SERPIND1: variants seen among roughly 807,000 people sequenced by gnomAD.
SERPIND1 encodes the protein heparin cofactor 2.
A neutral mutation model predicts 35.0 loss-of-function variants in SERPIND1; 34 were observed. That is an observed-to-expected ratio of 0.97 (90% confidence interval 0.74 to 1.29). The LOEUF (loss-of-function observed/expected upper bound fraction) is 1.29. SERPIND1 is among the 50% of genes most tolerant of loss of function. The pLI, the probability that SERPIND1 is intolerant of heterozygous loss-of-function variation, is 0.00. For missense variants in SERPIND1, 633 were observed against 637.7 expected, an observed-to-expected ratio of 0.99 and a Z score of 0.08; for synonymous variants, 236 against 241.1, an observed-to-expected ratio of 0.98 and a Z score of 0.19.
chr22:20,782,230 T>A (rs1223148896), intron 2 of SERPIND1, among the ~76,000 whole-genome samples: 1 of 152,152 alleles, frequency 6.6e-6, no homozygotes. Flanking sequence ...AGTACAGCAG[T>A]GAGCCATCCC....
chr22:20,779,657 G>T lies in SERPIND1; in HGVS notation c.345G>T (p.Gln115His). 1 of 1,614,030 alleles carries T rather than the reference G, an allele frequency of 6.2e-7. No homozygotes were observed. The highest frequency in any genetic ancestry group is 1.1e-5 in the South Asian group (1 of 91,090). The part of the protein sequence containing the change: ...DSDVSAGNIL[Q>H]LFHGKSRIQR... ...ATGTGAGTGCTGGGAACATCCTCCA[G>T]CTTTTTCATGGCAAGAGCCGGATCC... The change falls in exon 2 of 5, where the codon CAG (glutamine) becomes CAT (histidine). Residue 115 changes from glutamine to histidine, a missense_variant. By Grantham distance (24) the Gln-to-His change is conservative. Transcript: ENST00000215727.
In SERPIND1 at chr22:20,780,132, A is replaced by T; in HGVS notation, c.820A>T (p.Ile274Leu). 1 of 1,614,250 alleles carries T rather than the reference A, an allele frequency of 6.2e-7. No individual in the cohort carries two copies. Among genetic ancestry groups the T allele is most frequent in the South Asian group, 1.1e-5 (1 of 91,088 alleles). ...CATCATGAAGCTCACCAAGGGCCTC[A>T]TAAAAGATGCTCTGGAGAATATAGA... ...NHIMKLTKGL[I>L]KDALENIDPA... Residue 274 changes from isoleucine to leucine, a missense_variant, in exon 2 of 5, where the codon ATA becomes TTA. Coordinates refer to ENST00000215727, the MANE Select transcript of SERPIND1 (RefSeq NM_000185.4).
In SERPIND1 at chr22:20,783,817, C is replaced by G. The variant is rs912135530; in HGVS notation, c.890-155C>G. Reference sequence around the variant, plus strand: ...CCTCTCTTGTTAGAAATGCAAATTTCTGCCCAAATCAGGCCTCAGGAATCA... The same window carrying G: ...CCTCTCTTGTTAGAAATGCAAATTTGTGCCCAAATCAGGCCTCAGGAATCA... On this transcript the variant is annotated intron_variant, in intron 2 of 4. Transcript: ENST00000215727. Among the ~76,000 whole-genome samples the G allele has an allele frequency of 1.5e-4, 23 of 152,190 alleles. 1 individual carries two copies. Among genetic ancestry groups the G allele is most frequent in the Non-Finnish European group, 2.9e-5 (2 of 68,040 alleles).
chr22:20,777,866 C>T (rs165912), intron 1 of SERPIND1, among the ~76,000 whole-genome samples: 70,887 of 151,940 alleles, frequency 0.47, 17,268 homozygotes, highest in African/African-American at 0.6. Flanking sequence ...CTCCTCTGAA[C>T]GAGTCAGAGG....
At chr22:20,774,592 C>G (rs1319959440) in intron 1 of SERPIND1, among the ~76,000 whole-genome samples, 2 of 151,998 alleles carry the variant, frequency 1.3e-5, no homozygotes, top group Non-Finnish European at 2.9e-5. Context: ...GAAGCCAAGT[C>G]TCTACTAAAA....
intron 2 of SERPIND1, among the ~76,000 whole-genome samples, chr22:20,782,383 C>T (rs1264527912): frequency 6.6e-6 from 1 of 152,194 alleles, no homozygotes; most frequent in African/African-American, 2.4e-5. Flanking sequence ...CACTCAATGC[C>T]GGGCATCACA....
rs780705670 is a variant in SERPIND1, at chr22:20,779,360, T to C, written c.48T>C (p.Ser16=). Residue 16 remains serine (S), a synonymous_variant, in exon 2 of 5, where the codon TCT becomes TCC. Coordinates refer to ENST00000215727, the MANE Select transcript of SERPIND1 (RefSeq NM_000185.4). ...TTCTCATTTTCCTCATCATAACATC[T>C]GCGTGGGGTGGGAGCAAAGGCCCGC... ...NALLIFLIIT[S]AWGGSKGPLD... The C allele has an allele frequency of 1.9e-6, 3 of 1,614,198 alleles. No individual in the cohort carries two copies. The highest frequency in any genetic ancestry group is 8.5e-7 in the Non-Finnish European group (1 of 1,180,030).
Position 20,779,772 on chromosome 22 carries a change from G to T in SERPIND1, c.460G>T (p.Ala154Ser), listed in dbSNP as rs1230112155. ...QVNTFDNIFI[A>S]PVGISTAMGM... ...CAACACTTTCGATAACATCTTCATA[G>T]CACCCGTTGGCATTTCTACTGCGAT... Residue 154 changes from alanine (A) to serine (S), a missense_variant, in exon 2 of 5, where the codon GCA (alanine) becomes TCA (serine). Coordinates refer to ENST00000215727, the MANE Select transcript of SERPIND1 (RefSeq NM_000185.4). 6.2e-7 allele frequency: 1 copy of T among 1,614,206 alleles called. No homozygotes were observed. The highest frequency in any genetic ancestry group is 8.5e-7 in the Non-Finnish European group (1 of 1,180,044).
intron 1 of SERPIND1, 187 bp from the exon 2 acceptor site, chr22:20,779,110 C>T (rs1463614750): frequency 3.7e-6 from 5 of 1,359,236 alleles, no homozygotes; most frequent in Non-Finnish European, 5.0e-6. Context: ...TTTATGAGTC[C>T]CACATCAAAG....
At chr22:20,778,668 G>A (rs1163906203) in intron 1 of SERPIND1, among the ~76,000 whole-genome samples, 1 of 152,148 alleles carries the variant, frequency 6.6e-6, no homozygotes, top group Non-Finnish European at 1.5e-5. Flanking sequence ...AGGTGGAATG[G>A]TGTGAGTCAC....
chr22:20,786,564 C>T (rs1340991754), intron 4 of SERPIND1, among the ~76,000 whole-genome samples: 1 of 152,210 alleles, frequency 6.6e-6, no homozygotes, highest in Non-Finnish European at 1.5e-5. Flanking sequence ...GCAGCAGACC[C>T]AGTTCCCCAT....
intron 3 of SERPIND1, among the ~76,000 whole-genome samples, chr22:20,784,846 G>A (rs1229082327): frequency 6.6e-6 from 1 of 152,110 alleles, no homozygotes; most frequent in East Asian, 1.9e-4. Context: ...CTGGATACTG[G>A]CTAGGCCCAT....
chr22:20,774,491 A>G (rs1933086498), intron 1 of SERPIND1, among the ~76,000 whole-genome samples: 1 of 152,196 alleles, frequency 6.6e-6, no homozygotes, highest in Admixed American at 6.5e-5. Flanking sequence ...GGCCGGGTGC[A>G]GTGGCTCACG....
Position 20,784,093 on chromosome 22 carries a change from C to G in SERPIND1, c.1011C>G (p.Asp337Glu). 6.2e-7 allele frequency: 1 copy of G among 1,614,152 alleles called. No individual in the cohort carries two copies. Among genetic ancestry groups the G allele is most frequent in the Non-Finnish European group, 8.5e-7 (1 of 1,180,022 alleles). ...AGGGGAACTTCCTCGCAGCAAATGA[C>G]CAGGAGCTGGACTGCGACATCCTCC... ...QTKGNFLAANDQELDCDILQL... is the reference protein window; with the variant it reads ...QTKGNFLAANEQELDCDILQL... The change falls in exon 3 of 5, where the codon GAC (aspartate) becomes GAG (glutamate). Residue 337 changes from aspartate to glutamate, a missense_variant. Asp to Glu is a conservative substitution (Grantham distance 45). Transcript: ENST00000215727.
intron 2 of SERPIND1, among the ~76,000 whole-genome samples, chr22:20,782,260 A>C (rs1327191265): frequency 2.6e-5 from 4 of 152,098 alleles, no homozygotes; most frequent in Non-Finnish European, 5.9e-5. Context: ...GGAGGTGGAG[A>C]AATGATCAGG....
At position 20,779,528 on chromosome 22, in the gene SERPIND1, G is replaced by A. The variant is rs1475826823; in HGVS notation, c.216G>A (p.Glu72=). ...CCGTCACCAACGACTGGATTCCAGA[G>A]GGGGAGGAGGACGACGACTATCTGG... ...ENTVTNDWIP[E]GEEDDDYLDL... is the part of the protein sequence containing the mutation. Residue 72 remains glutamate, a synonymous_variant, in exon 2 of 5, where the codon GAG becomes GAA. Transcript: ENST00000215727. The A allele has an allele frequency of 1.9e-6, 3 of 1,613,972 alleles. No individual in the cohort carries two copies. The highest frequency in any genetic ancestry group is 2.7e-5 in the African/African-American group (2 of 75,050).
chr22:20,775,995 G>A (rs1360205001), intron 1 of SERPIND1, among the ~76,000 whole-genome samples: 1 of 152,166 alleles, frequency 6.6e-6, no homozygotes, highest in Non-Finnish European at 1.5e-5. Flanking sequence ...CAGAAACTGG[G>A]CCCAGTTCTA....
intron 2 of SERPIND1, among the ~76,000 whole-genome samples, chr22:20,781,965 A>G (rs1429286009): frequency 6.6e-6 from 1 of 152,252 alleles, no homozygotes; most frequent in Non-Finnish European, 1.5e-5. Context: ...ACATGACAAG[A>G]GCTCAGCGAA....
intron 1 of SERPIND1, among the ~76,000 whole-genome samples, chr22:20,776,434 A>T (rs974825390): frequency 1.3e-5 from 2 of 152,238 alleles, no homozygotes; most frequent in Non-Finnish European, 2.9e-5. Context: ...AAAAGGCAAC[A>T]GGCATTTTGA....
Sources: allele counts gnomAD v4.1 joint callset (sites outside exome capture counted in the v4.1 genomes callset), GRCh38; gene constraint gnomAD v4.1.1; transcripts MANE v1.5; gene names NCBI Gene and HGNC (gene_info 2026-07-23, HGNC 2026-07-21).